KCNH7: variants seen among roughly 807,000 people sequenced by gnomAD.
KCNH7 encodes potassium voltage-gated channel subfamily H member 7, also known as voltage-gated inwardly rectifying potassium channel KCNH7.
Under a neutral mutation model 120.8 loss-of-function variants are expected in KCNH7, and 49 were observed. That is an observed-to-expected ratio of 0.41 (90% CI 0.32 to 0.51). KCNH7 has a LOEUF of 0.51. KCNH7 is among the 20% of genes least tolerant of loss of function. The pLI, the probability that KCNH7 is intolerant of heterozygous loss-of-function variation, is 0.38. For synonymous variants in KCNH7, 547 were observed against 516.1 expected, an observed-to-expected ratio of 1.06 and a Z score of -0.81; for missense variants, 1,097 against 1,446.6, an observed-to-expected ratio of 0.76 and a Z score of 3.92.
intron 2 of KCNH7, among the ~76,000 whole-genome samples, chr2:162,753,963 TAAC>T (rs879705384): frequency 4.8e-4 from 73 of 151,992 alleles, no homozygotes; most frequent in African/African-American, 1.4e-3. Context: ...TTATAATAAA[TAAC>T]AATATTTTAA....
chr2:162,528,448 C>T lies in KCNH7; in HGVS notation c.463+8477G>A, dbSNP rs541496635. ...ATGTGGGTGAGTTAAGAATGCTCCA[C>T]AGATGAAGAGTCCTTTGGAATAGGT... On this transcript the variant is annotated intron_variant, in intron 3 of 15. Transcript: ENST00000332142. 8 of 152,044 alleles carry T rather than the reference C, an allele frequency of 5.3e-5. No individual in the cohort carries two copies. In the South Asian group the frequency reaches 1.2e-3, roughly 24 times the overall value. 9.4% of individuals were successfully genotyped at this position (152,044 alleles called of 1,614,324 possible).
chr2:162,607,868 C>T (rs149995797), intron 2 of KCNH7, among the ~76,000 whole-genome samples: 347 of 152,130 alleles, frequency 2.3e-3, no homozygotes, highest in Non-Finnish European at 3.7e-3. Context: ...ATAAGTTATA[C>T]TTTGGGCCCC....
At chr2:162,619,353 C>T (rs1051079388) in intron 2 of KCNH7, among the ~76,000 whole-genome samples, 1 of 151,764 alleles carries the variant, frequency 6.6e-6, no homozygotes, top group Non-Finnish European at 1.5e-5. Flanking sequence ...GGGCAAAAGA[C>T]CTAGGGTAAT....
chr2:162,793,555 C>G (rs921266475), intron 2 of KCNH7, among the ~76,000 whole-genome samples: 1 of 151,374 alleles, frequency 6.6e-6, no homozygotes, highest in Non-Finnish European at 1.5e-5. Flanking sequence ...ATACTGAAAA[C>G]TATAAAACAC....
Position 162,820,209 on chromosome 2 carries a change from T to TGTGTGTGTGTGTG in KCNH7, c.307+16327_307+16328insCACACACACACAC, listed in dbSNP as rs1685065485. Reference sequence around the variant, plus strand: ...CGCCCAGCACCACGCCCGGCTAATTTTGTGTGTGTGTGTGTGTGTGTGTGT... The same window carrying TGTGTGTGTGTGTG: ...CGCCCAGCACCACGCCCGGCTAATTTGTGTGTGTGTGTGTGTGTGTGTGTGTGTGTGTGTGTGT... On this transcript the variant is annotated intron_variant, in intron 2 of 15. Coordinates refer to ENST00000332142, the MANE Select transcript of KCNH7 (RefSeq NM_033272.4). Among the ~76,000 whole-genome samples the TGTGTGTGTGTGTG allele has an allele frequency of 2.4e-4, 24 of 99,682 alleles. No homozygotes were observed. In the Admixed American group the frequency reaches 2.6e-3, roughly 11 times the overall value. 65.4% of individuals were successfully genotyped at this position (99,682 alleles called of 152,430 possible).
chr2:162,687,957 G>A (rs982147795), intron 2 of KCNH7, among the ~76,000 whole-genome samples: 11 of 151,946 alleles, frequency 7.2e-5, no homozygotes, highest in African/African-American at 1.9e-4. Context: ...TTCACTGCAC[G>A]GTAAAACAAT....
chr2:162,463,206 A>G (rs1455740744), intron 6 of KCNH7, among the ~76,000 whole-genome samples: 1 of 151,950 alleles, frequency 6.6e-6, no homozygotes, highest in African/African-American at 2.4e-5. Context: ...TTAGGGACTC[A>G]GAAGTGCAAG....
intron 13 of KCNH7, among the ~76,000 whole-genome samples, chr2:162,382,758 A>G (rs747947756): frequency 4.6e-5 from 7 of 151,994 alleles, no homozygotes; most frequent in Non-Finnish European, 1.0e-4. Context: ...TTGCATATTA[A>G]TGCAATATAT....
intron 2 of KCNH7, among the ~76,000 whole-genome samples, chr2:162,827,574 C>T (rs76915152): frequency 0.026 from 3,931 of 152,136 alleles, 165 homozygotes; most frequent in African/African-American, 0.089. Flanking sequence ...ATGCAAAATG[C>T]CATGCTTTAT....
At position 162,393,050 on chromosome 2, in the gene KCNH7, G is replaced by A. The variant is rs75975458; in HGVS notation, c.2710+1339C>T. On this transcript the variant is annotated intron_variant, in intron 12 of 15. Transcript: ENST00000332142. ...GTAGATGGAGAGAAGTTAACCAAAAGGAGACCTAATTTGAAGACTAAATGG... is the reference window on the plus strand; with the variant it reads ...GTAGATGGAGAGAAGTTAACCAAAAAGAGACCTAATTTGAAGACTAAATGG... Among the ~76,000 whole-genome samples the A allele has an allele frequency of 7.2e-3, 1,098 of 152,050 alleles. 23 individuals are homozygous for A. Among genetic ancestry groups the A allele is most frequent in the African/African-American group, 0.024 (1,006 of 41,518 alleles).
chr2:162,429,383 C>CT (rs60854157), intron 8 of KCNH7, among the ~76,000 whole-genome samples: 4,047 of 86,124 alleles, frequency 0.047, 252 homozygotes, highest in Non-Finnish European at 0.06. Flanking sequence ...AGGAAAAAGT[C>CT]TTTTTTTTTT....
chr2:162,771,390 T>C (rs575748173), intron 2 of KCNH7, among the ~76,000 whole-genome samples: 1 of 152,148 alleles, frequency 6.6e-6, no homozygotes, highest in Non-Finnish European at 1.5e-5. Flanking sequence ...CCCTCCTTTG[T>C]GTAGGTTTCC....
intron 2 of KCNH7, among the ~76,000 whole-genome samples, chr2:162,814,589 G>C (rs1684852940): frequency 6.6e-6 from 1 of 152,130 alleles, no homozygotes; most frequent in Non-Finnish European, 1.5e-5. Flanking sequence ...ATGAATTCCA[G>C]CACTTCTGCC....
intron 2 of KCNH7, among the ~76,000 whole-genome samples, chr2:162,683,648 C>T (rs887797185): frequency 1.3e-5 from 2 of 151,826 alleles, no homozygotes; most frequent in African/African-American, 4.8e-5. Flanking sequence ...TTTATTTAGA[C>T]ATCATGTTTC....
intron 2 of KCNH7, among the ~76,000 whole-genome samples, chr2:162,729,452 T>A (rs1687644021): frequency 6.6e-6 from 1 of 152,184 alleles, no homozygotes; most frequent in African/African-American, 2.4e-5. Flanking sequence ...AAGCTACATC[T>A]TTTCTATTCC....
intron 2 of KCNH7, among the ~76,000 whole-genome samples, chr2:162,698,524 C>T (rs990197689): frequency 1.3e-5 from 2 of 151,068 alleles, no homozygotes; most frequent in Admixed American, 1.3e-4. Context: ...CATAAAATTT[C>T]CATTCCTTTT....
At chr2:162,767,430 T>A (rs1054736188) in intron 2 of KCNH7, among the ~76,000 whole-genome samples, 6 of 152,160 alleles carry the variant, frequency 3.9e-5, no homozygotes, top group African/African-American at 1.2e-4. Flanking sequence ...CACACATATT[T>A]TTCCTGAACT....
At chr2:162,391,201 A>G (rs1276310034) in intron 12 of KCNH7, among the ~76,000 whole-genome samples, 1 of 152,050 alleles carries the variant, frequency 6.6e-6, no homozygotes, top group Non-Finnish European at 1.5e-5. Context: ...CACTACAAAA[A>G]TGAATGCATT....
intron 2 of KCNH7, among the ~76,000 whole-genome samples, chr2:162,680,129 A>G (rs1574257687): frequency 6.7e-6 from 1 of 148,190 alleles, no homozygotes; most frequent in African/African-American, 2.5e-5. Flanking sequence ...CAAAAGCAGA[A>G]AAAGAAGCAA....
Sources: allele counts gnomAD v4.1 joint callset (sites outside exome capture counted in the v4.1 genomes callset), GRCh38; gene constraint gnomAD v4.1.1; transcripts MANE v1.5; gene names NCBI Gene and HGNC (gene_info 2026-07-23, HGNC 2026-07-21).